RALGDS: variants seen among roughly 807,000 people sequenced by gnomAD.
The protein encoded by RALGDS is ral guanine nucleotide exchange factor.
Under a neutral mutation model 99.8 loss-of-function variants are expected in RALGDS, and 44 were observed. That is an observed-to-expected ratio of 0.44 (90% CI 0.35 to 0.57). RALGDS has a LOEUF of 0.57. Among genes scored for constraint, RALGDS ranks in the 20% least tolerant of loss-of-function variants. The pLI is 0.01. For synonymous variants in RALGDS, 529 were observed against 505.0 expected, an observed-to-expected ratio of 1.05 and a Z score of -0.64; for missense variants, 1,022 against 1,203.1, an observed-to-expected ratio of 0.85 and a Z score of 2.23.
chr9:133,110,168 C>T, intron 3 of RALGDS, 128 bp downstream of exon 3: 1 of 1,008,686 alleles, frequency 9.9e-7, no homozygotes, highest in Non-Finnish European at 1.5e-6. Context: ...TCTTAGCACT[C>T]CAGTTTCTCT....
At chr9:133,134,702 G>C (rs182566526), upstream of RALGDS, among the ~76,000 whole-genome samples, 3 of 151,672 alleles carry the variant, frequency 2.0e-5, no homozygotes, top group African/African-American at 4.8e-5. Flanking sequence ...GCCTAGGCTG[G>C]GGACTCTGAC....
intron 1 of RALGDS, among the ~76,000 whole-genome samples, chr9:133,137,645 A>G (rs1832448980): frequency 6.6e-6 from 1 of 152,250 alleles, no homozygotes; most frequent in Admixed American, 6.5e-5. Flanking sequence ...GAAGGCAGCC[A>G]GGCTTTCTGG....
chr9:133,101,212 A>G (rs1052573493), intron 16 of RALGDS: 15 of 1,245,210 alleles, frequency 1.2e-5, no homozygotes, highest in Admixed American at 1.0e-4. Flanking sequence ...CCTCCCCGAG[A>G]AAGTCGAGGT....
intron 1 of RALGDS, among the ~76,000 whole-genome samples, chr9:133,120,305 G>A (rs1406792552): frequency 6.6e-6 from 1 of 152,066 alleles, no homozygotes; most frequent in Non-Finnish European, 1.5e-5. Context: ...CAGGGTGTTG[G>A]CACTCTTTCC....
intron 8 of RALGDS, 106 bp downstream of exon 8, chr9:133,106,539 T>C: frequency 1.2e-6 from 1 of 844,598 alleles, no homozygotes; most frequent in Non-Finnish European, 1.9e-6. Context: ...CAGTGAAGGG[T>C]CCCTGCCCTC....
chr9:133,106,862 C>T, intron 7 of RALGDS, 114 bp from the exon 8 acceptor site: 1 of 963,324 alleles, frequency 1.0e-6, no homozygotes, highest in Non-Finnish European at 1.6e-6. Context: ...CAGGGAGTCC[C>T]CAGAGGGCAC....
chr9:133,116,731 C>G (rs897076726), intron 1 of RALGDS, among the ~76,000 whole-genome samples: 1 of 152,256 alleles, frequency 6.6e-6, no homozygotes, highest in Admixed American at 6.5e-5. Flanking sequence ...ACGTTTAATC[C>G]TCCTAACGCC....
At chr9:133,141,281 C>T (rs530714517) in intron 1 of RALGDS, among the ~76,000 whole-genome samples, 14 of 152,198 alleles carry the variant, frequency 9.2e-5, no homozygotes, top group Non-Finnish European at 1.8e-4. Context: ...GGCAGTGTGG[C>T]CCCACCTGCC....
rs771048845 is a variant in RALGDS, at chr9:133,108,194, G to A, written c.991C>T (p.Pro331Ser). 1.6e-5 allele frequency: 26 copies of A among 1,613,376 alleles called. No homozygotes were observed. The highest frequency in any genetic ancestry group is 1.9e-5 in the Non-Finnish European group (22 of 1,179,986). Residue 331 changes from proline to serine, a missense_variant, in exon 6 of 18, where the codon CCA becomes TCA. By Grantham distance (74) the Pro-to-Ser change is moderately conservative (BLOSUM62 -1). This residue lies in a region of RALGDS where 825 missense variants were observed against 994.5 expected (regional missense o/e 0.83). Transcript: ENST00000372050. ...PAVGLESAPA[P>S]ALELEPAPEQ... ...GGAGCTGGCTCTAGTTCCAGAGCTG[G>A]CGCTGGAGCCGATTCTAGTCCCACA...
upstream of RALGDS, among the ~76,000 whole-genome samples, chr9:133,122,833 G>A (rs1457171996): frequency 6.6e-6 from 1 of 152,068 alleles, no homozygotes; most frequent in African/African-American, 2.4e-5. Context: ...GCCTCTCGAG[G>A]AGCTGGGATT....
At chr9:133,135,336 A>G (rs964935266), upstream of RALGDS, among the ~76,000 whole-genome samples, 1 of 152,178 alleles carries the variant, frequency 6.6e-6, no homozygotes, top group Non-Finnish European at 1.5e-5. Flanking sequence ...CAGGACAGTA[A>G]TTCAGCAACT....
chr9:133,130,941 T>C, intron 1 of RALGDS: 1 of 1,532,598 alleles, frequency 6.5e-7, no homozygotes, highest in Non-Finnish European at 8.7e-7. Flanking sequence ...GAGTCTCAGC[T>C]ACTTCCTTAC....
rs545242596 is a variant in RALGDS, at chr9:133,102,212, C to T, written c.2010-73G>A. The T allele has an allele frequency of 3.4e-4, 494 of 1,465,124 alleles. 2 individuals are homozygous for T. The South Asian group carries it at 4.8e-3, about 14-fold the overall frequency. 90.8% of individuals were successfully genotyped at this position (1,465,124 alleles called of 1,614,324 possible). On this transcript the variant is annotated intron_variant, in intron 14 of 17. Coordinates refer to ENST00000372050, the MANE Select transcript of RALGDS (RefSeq NM_006266.4). ...CCAACCCCACAGCCCCTGCACCCTG[C>T]GCCCAAGGACTGTGCAAAGTGCTGG...
At position 133,104,277 on chromosome 9, in the gene RALGDS, G is replaced by A. The variant is rs779690491; in HGVS notation, c.1657C>T (p.Arg553Trp). Reference sequence around the variant, plus strand: ...GGCACTCTCACCGTCTCCTTCGGCCGTTTCTGGGCTCTCTTGGGGTTCATC... The same window carrying A: ...GGCACTCTCACCGTCTCCTTCGGCCATTTCTGGGCTCTCTTGGGGTTCATC... ...LEMNPKRAQK[R>W]PKETGIIQGT... The change falls in exon 10 of 18, where the codon CGG (arginine) becomes TGG (tryptophan). Residue 553 changes from arginine to tryptophan, a missense_variant. Around this residue, in one of 3 missense-constraint regions of RALGDS, gnomAD observed 825 missense variants for 994.5 expected, o/e 0.83. Coordinates refer to ENST00000372050, the MANE Select transcript of RALGDS (RefSeq NM_006266.4). The A allele has an allele frequency of 6.2e-6, 10 of 1,613,758 alleles. No homozygotes were observed. The highest frequency in any genetic ancestry group is 2.7e-5 in the African/African-American group (2 of 74,926).
At chr9:133,143,568 C>A (rs1461683276) in intron 1 of RALGDS, among the ~76,000 whole-genome samples, 1 of 151,764 alleles carries the variant, frequency 6.6e-6, no homozygotes, top group Non-Finnish European at 1.5e-5. Flanking sequence ...CCAGCCTGGG[C>A]AACATGGTGA....
chr9:133,148,538 G>T (rs1288881922), intron 1 of RALGDS, among the ~76,000 whole-genome samples: 2 of 152,214 alleles, frequency 1.3e-5, no homozygotes, highest in East Asian at 3.9e-4. Context: ...TGAGCCCCAG[G>T]AAGTGTGTGG....
At chr9:133,132,209 G>A (rs888213513), upstream of RALGDS, among the ~76,000 whole-genome samples, 3 of 152,348 alleles carry the variant, frequency 2.0e-5, no homozygotes, top group South Asian at 2.1e-4. Flanking sequence ...AGGCAGGCCC[G>A]GTCCCGGGAG....
intron 1 of RALGDS, among the ~76,000 whole-genome samples, chr9:133,130,238 G>C (rs1832294492): frequency 6.6e-6 from 1 of 152,156 alleles, no homozygotes; most frequent in Non-Finnish European, 1.5e-5. Context: ...CCAAAGTGCT[G>C]GGATTACAGG....
Position 133,098,494 on chromosome 9 carries a change from G to A in RALGDS, c.*93C>T. The stretch of plus-strand genomic sequence containing the variant: ...GAAACTGGAGTCTGGGGTACCCTGG[G>A]CTGGCAGGTGGGAGGAAGGCGCCCA... On this transcript the variant is annotated 3_prime_UTR_variant, in exon 18 of 18. Transcript: ENST00000372050. The A allele has an allele frequency of 2.3e-6, 3 of 1,328,664 alleles. No homozygotes were observed. Among genetic ancestry groups the A allele is most frequent in the South Asian group, 1.2e-5 (1 of 82,332 alleles). The allele number at this position is 1,328,664 out of a possible 1,614,324, so 82.3% of individuals were successfully genotyped here. A position where few individuals can be genotyped will look rare whatever the true frequency, so the allele number is the denominator to read the frequency against.
Sources: gnomAD v4.1 joint callset for allele counts (sites outside exome capture counted in the v4.1 genomes callset) on GRCh38, gnomAD v4.1.1 for gene constraint, gnomAD v4.1.1 regional missense constraint, MANE v1.5 for transcripts, NCBI Gene and HGNC (gene_info 2026-07-23, HGNC 2026-07-21) for gene names.